The following RBFOX1 variants were observed in gnomAD, a reference collection of about 807,000 sequenced individuals.
The protein encoded by RBFOX1 is RNA binding protein fox-1 homolog 1.
RBFOX1 carries 8 observed loss-of-function variants against 57.7 expected under a neutral mutation model. That is an observed-to-expected ratio of 0.14 (90% CI 0.08 to 0.25). The LOEUF (loss-of-function observed/expected upper bound fraction) is 0.25. Ranked by LOEUF, RBFOX1 falls within the 10% of genes least tolerant of loss-of-function variation. RBFOX1 has a pLI of 1.00. For synonymous variants in RBFOX1, 326 were observed against 222.4 expected, an observed-to-expected ratio of 1.47 and a Z score of -4.15; for missense variants, 611 against 548.5, an observed-to-expected ratio of 1.11 and a Z score of -1.14.
At chr16:7,314,182 C>A (rs1012731212) in intron 4 of RBFOX1, among the ~76,000 whole-genome samples, 3 of 152,116 alleles carry the variant, frequency 2.0e-5, no homozygotes, top group Non-Finnish European at 4.4e-5. Context: ...TGTATTTCTC[C>A]GCAACCAATT....
At chr16:5,800,646 A>C (rs1038777929) in intron 3 of RBFOX1, among the ~76,000 whole-genome samples, 1 of 152,112 alleles carries the variant, frequency 6.6e-6, no homozygotes, top group Non-Finnish European at 1.5e-5. Flanking sequence ...CCTATTACCT[A>C]GTTTCACGGT....
At chr16:6,337,013 A>C (rs915686512) in intron 2 of RBFOX1, among the ~76,000 whole-genome samples, 2 of 152,232 alleles carry the variant, frequency 1.3e-5, no homozygotes, top group African/African-American at 4.8e-5. Flanking sequence ...AAAGGAACTC[A>C]AAATGGCATT....
At chr16:6,764,761 A>T (rs1024910865) in intron 3 of RBFOX1, among the ~76,000 whole-genome samples, 1 of 152,046 alleles carries the variant, frequency 6.6e-6, no homozygotes, top group African/African-American at 2.4e-5. Flanking sequence ...ACATGGTGAA[A>T]CCCTGTCTCT....
chr16:6,875,356 T>G (rs963061544), intron 3 of RBFOX1, among the ~76,000 whole-genome samples: 6 of 152,168 alleles, frequency 3.9e-5, no homozygotes, highest in Admixed American at 2.6e-4. Flanking sequence ...TACACAGCTT[T>G]GACCTCTCCT....
At chr16:7,209,196 G>A (rs970759469) in intron 4 of RBFOX1, among the ~76,000 whole-genome samples, 4 of 151,068 alleles carry the variant, frequency 2.6e-5, no homozygotes. Flanking sequence ...ATTGCAGGGT[G>A]TGGCAGTGCA....
At chr16:6,404,554 A>T (rs2093204250) in intron 2 of RBFOX1, among the ~76,000 whole-genome samples, 1 of 152,238 alleles carries the variant, frequency 6.6e-6, no homozygotes, top group Non-Finnish European at 1.5e-5. Context: ...ATTTCATGCC[A>T]GAGTGAGTTA....
chr16:5,368,235 G>C (rs1313402386), intron 1 of RBFOX1, among the ~76,000 whole-genome samples: 1 of 152,212 alleles, frequency 6.6e-6, no homozygotes. Flanking sequence ...GAAGCGTGAG[G>C]CTTGAACAGA....
intron 4 of RBFOX1, among the ~76,000 whole-genome samples, chr16:5,881,547 G>A (rs776463248): frequency 6.6e-6 from 1 of 152,134 alleles, no homozygotes; most frequent in Non-Finnish European, 1.5e-5. Flanking sequence ...GGGTGTGGTG[G>A]CACATGCTTA....
At chr16:6,231,649 G>T (rs2097461159) in intron 1 of RBFOX1, among the ~76,000 whole-genome samples, 1 of 152,196 alleles carries the variant, frequency 6.6e-6, no homozygotes, top group East Asian at 1.9e-4. Flanking sequence ...AGAGTCTGAG[G>T]CCACTTACAA....
chr16:7,573,648 A>T (rs2093020026), intron 5 of RBFOX1, among the ~76,000 whole-genome samples: 2 of 152,010 alleles, frequency 1.3e-5, no homozygotes, highest in African/African-American at 4.8e-5. Context: ...AGCCTGGCCA[A>T]CATTGTGAAA....
At chr16:6,932,982 G>C (rs1224307074) in intron 3 of RBFOX1, among the ~76,000 whole-genome samples, 1 of 152,112 alleles carries the variant, frequency 6.6e-6, no homozygotes, top group East Asian at 1.9e-4. Flanking sequence ...CATGTAAGTG[G>C]AATCATTCAG....
At chr16:7,246,508 C>G (rs1182702664) in intron 4 of RBFOX1, among the ~76,000 whole-genome samples, 1 of 152,126 alleles carries the variant, frequency 6.6e-6, no homozygotes, top group Non-Finnish European at 1.5e-5. Context: ...TCTCTCCAGT[C>G]TCTCCCTTAT....
Position 5,418,862 on chromosome 16 carries a change from C to T in RBFOX1, c.220-48354C>T, listed in dbSNP as rs566964124. The stretch of plus-strand genomic sequence containing the variant: ...ACTTTGTCCTTGTGAACCTGGTCTA[C>T]GGAAGAGATACCCAAACTGAGAATT... On this transcript the variant is annotated intron_variant, in intron 1 of 2. Transcript: ENST00000585867. Among the ~76,000 whole-genome samples the T allele has an allele frequency of 5.3e-5, 8 of 152,252 alleles. No homozygotes were observed. The East Asian group carries it at 1.2e-3, about 22-fold the overall frequency.
At chr16:6,927,338 G>A (rs564270650) in intron 3 of RBFOX1, among the ~76,000 whole-genome samples, 10 of 147,678 alleles carry the variant, frequency 6.8e-5, no homozygotes, top group African/African-American at 2.0e-4. Context: ...GCTGGAACCC[G>A]GGAGGCAGAG....
At chr16:6,748,199 C>G (rs763093719) in intron 3 of RBFOX1, among the ~76,000 whole-genome samples, 1 of 151,914 alleles carries the variant, frequency 6.6e-6, no homozygotes, top group African/African-American at 2.4e-5. Flanking sequence ...ATTGGATATC[C>G]TTATGGGTTC....
chr16:7,622,322 G>C (rs943417622), intron 10 of RBFOX1, among the ~76,000 whole-genome samples: 5 of 152,302 alleles, frequency 3.3e-5, no homozygotes, highest in Admixed American at 2.6e-4. Flanking sequence ...AAGAGTAAAT[G>C]ATGATCTAAG....
At chr16:7,362,324 G>GTT (rs2097342079) in intron 4 of RBFOX1, among the ~76,000 whole-genome samples, 2 of 151,048 alleles carry the variant, frequency 1.3e-5, no homozygotes, top group African/African-American at 4.9e-5. Flanking sequence ...GTGTGTGTAT[G>GTT]TTTTGTGTGT....
intron 2 of RBFOX1, among the ~76,000 whole-genome samples, chr16:5,552,844 AG>A (rs60767272): frequency 0.76 from 115,550 of 151,794 alleles, 44,095 homozygotes; most frequent in South Asian, 0.87. Context: ...TTGGGAAACG[AG>A]GGAAAAGGGA....
chr16:5,971,177 A>G (rs2059954610), intron 4 of RBFOX1, among the ~76,000 whole-genome samples: 1 of 152,200 alleles, frequency 6.6e-6, no homozygotes, highest in African/African-American at 2.4e-5. Context: ...CTGGGGATAG[A>G]GCAGTGAACC....
Sources: gnomAD v4.1 joint callset for allele counts (sites outside exome capture counted in the v4.1 genomes callset) on GRCh38, gnomAD v4.1.1 for gene constraint, MANE v1.5 for transcripts, NCBI Gene and HGNC (gene_info 2026-07-23, HGNC 2026-07-21) for gene names.